The following CDC27 variants were observed in gnomAD, a reference collection of about 807,000 sequenced individuals.
CDC27 encodes cell division cycle protein 27 homolog.
A neutral mutation model predicts 109.7 loss-of-function variants in CDC27; 27 were observed. The observed-to-expected ratio is 0.25, with a 90% CI of 0.18 to 0.34. CDC27 has a LOEUF of 0.34. Ranked by LOEUF, CDC27 falls within the 10% of genes least tolerant of loss-of-function variation. The probability of loss-of-function intolerance (pLI) is 1.00; values close to 1 mark genes in which losing one functional copy is unlikely to be tolerated. For synonymous variants in CDC27, 266 were observed against 333.9 expected (o/e 0.80, Z 2.22); for missense variants, 579 against 960.2 (o/e 0.60, Z 5.25).
intron 18 of CDC27, among the ~76,000 whole-genome samples, chr17:47,122,232 C>A (rs1479167058): frequency 1.3e-5 from 2 of 151,414 alleles, no homozygotes; most frequent in Non-Finnish European, 2.9e-5. Context: ...ATGAATTTGT[C>A]AAAGTCACAC....
chr17:47,129,511 G>A lies in CDC27; in HGVS notation c.2042C>T (p.Ala681Val). ...CAAAGCCTTCTCTGATTTTTTCAGT[G>A]CATGTTGAACCTGTAAGAAATAAAG... Reference protein sequence around the residue: ...LLCHIGVVQHALKKSEKALDT... With the variant: ...LLCHIGVVQHVLKKSEKALDT... Residue 681 changes from alanine to valine, a missense_variant, in exon 16 of 19, where the codon GCA (alanine) becomes GTA (valine). By Grantham distance (64) the Ala-to-Val change is moderately conservative. Coordinates refer to ENST00000066544, the MANE Select transcript of CDC27 (RefSeq NM_001256.6). The A allele has an allele frequency of 6.2e-7, 1 of 1,602,220 alleles. No homozygotes were observed. The highest frequency in any genetic ancestry group is 8.5e-7 in the Non-Finnish European group (1 of 1,173,190).
intron 1 of CDC27, 57 bp downstream of exon 1, chr17:47,189,089 C>T: frequency 6.3e-7 from 1 of 1,589,318 alleles, no homozygotes; most frequent in South Asian, 1.1e-5. Flanking sequence ...TGGCCCTACG[C>T]TGCTGCTTCC....
rs1295140968 is a variant in CDC27, at chr17:47,156,987, T to G, written c.768A>C (p.Lys256Asn). 1 of 1,579,548 alleles carries G rather than the reference T, an allele frequency of 6.3e-7. No homozygotes were observed. The highest frequency in any genetic ancestry group is 2.2e-5 in the East Asian group (1 of 44,626). ...PLGTGTSILSKQVQNKPKTGR... is the reference protein window; with the variant it reads ...PLGTGTSILSNQVQNKPKTGR... ...CAGTTTTTGGTTTATTTTGAACCTG[T>G]TTAGATAATATGGAAGTTCCTGTTC... The change falls in exon 7 of 19, where the codon AAA (lysine) becomes AAC (asparagine). Residue 256 changes from lysine (K) to asparagine (N), a missense_variant. This residue lies in a region of CDC27 where 74 missense variants were observed against 148.9 expected (regional missense o/e 0.50). Transcript: ENST00000066544.
intron 8 of CDC27, 146 bp from the exon 9 acceptor site, chr17:47,152,064 T>C (rs1446481354): frequency 2.1e-5 from 11 of 513,104 alleles, no homozygotes; most frequent in African/African-American, 2.0e-4. Flanking sequence ...TATATCATAT[T>C]GTTAATTATT....
At chr17:47,187,001 T>C (rs1443641201) in intron 1 of CDC27, among the ~76,000 whole-genome samples, 1 of 152,178 alleles carries the variant, frequency 6.6e-6, no homozygotes, top group Non-Finnish European at 1.5e-5. Flanking sequence ...CCCTGATCAT[T>C]GATCTTTATC....
At chr17:47,127,275 C>T (rs1201412306) in intron 16 of CDC27, among the ~76,000 whole-genome samples, 1 of 152,064 alleles carries the variant, frequency 6.6e-6, no homozygotes, top group Non-Finnish European at 1.5e-5. Context: ...TAAAGAAAGA[C>T]AAGCTTTTTA....
intron 16 of CDC27, among the ~76,000 whole-genome samples, chr17:47,126,758 G>A (rs1479546089): frequency 6.6e-6 from 1 of 152,170 alleles, no homozygotes; most frequent in Non-Finnish European, 1.5e-5. Context: ...GTAGTTAAAA[G>A]TTGAAACGGG....
At chr17:47,121,486 G>A (rs1423236737) in intron 18 of CDC27, among the ~76,000 whole-genome samples, 1 of 152,150 alleles carries the variant, frequency 6.6e-6, no homozygotes, top group Non-Finnish European at 1.5e-5. Context: ...CACCTAGGCT[G>A]GAGTGCAGTG....
Position 47,154,683 on chromosome 17 carries a change from G to T in CDC27, c.946C>A (p.Pro316Thr). Residue 316 changes from proline (P) to threonine (T), a missense_variant, in exon 8 of 19, where the codon CCT (proline) becomes ACT (threonine). Pro to Thr is a conservative substitution (Grantham distance 38). This residue lies in a region of CDC27 where 74 missense variants were observed against 148.9 expected (regional missense o/e 0.50). Transcript: ENST00000066544. ...PVIDVPSTGA[P>T]SKKSVARIGQ... ...TACATGGAAAATACCTTTTTTGAAG[G>T]GGCTCCGGTGGATGGCACATCAATT... is the stretch of plus-strand genomic sequence containing the variant. 1 of 1,561,720 alleles carries T rather than the reference G, an allele frequency of 6.4e-7. No homozygotes were observed. The highest frequency in any genetic ancestry group is 8.8e-7 in the Non-Finnish European group (1 of 1,139,654).
At position 47,128,894 on chromosome 17, in the gene CDC27, C is replaced by T. The variant is rs533857053; in HGVS notation, c.2160+499G>A. On this transcript the variant is annotated intron_variant, in intron 16 of 18. Transcript: ENST00000066544. ...CAAGTGATTCTCCTGCCTCAGCCTCCCCAGTAGCTGAGACTTACAGGCACC... is the reference window on the plus strand; with the variant it reads ...CAAGTGATTCTCCTGCCTCAGCCTCTCCAGTAGCTGAGACTTACAGGCACC... Among the ~76,000 whole-genome samples the T allele has an allele frequency of 2.0e-5, 3 of 152,104 alleles. No individual in the cohort carries two copies. The South Asian group carries it at 6.2e-4, about 32-fold the overall frequency.
chr17:47,125,391 C>T (rs2062107626), intron 16 of CDC27, among the ~76,000 whole-genome samples: 1 of 151,402 alleles, frequency 6.6e-6, no homozygotes, highest in Non-Finnish European at 1.5e-5. Flanking sequence ...GAATTACAGG[C>T]GTGTGCCACC....
intron 16 of CDC27, among the ~76,000 whole-genome samples, chr17:47,124,323 G>A (rs1030894187): frequency 4.0e-5 from 6 of 151,180 alleles, no homozygotes; most frequent in South Asian, 2.1e-4. Flanking sequence ...TCGCTCTGTC[G>A]CCCAGGCTGG....
At chr17:47,124,210 C>CACACACAA (rs1555780231) in intron 16 of CDC27, among the ~76,000 whole-genome samples, 8 of 149,326 alleles carry the variant, frequency 5.4e-5, no homozygotes, top group Non-Finnish European at 7.4e-5. Flanking sequence ...CACACACACA[C>CACACACAA]CCCTCTTCGT....
rs59790354 is a variant in CDC27, at chr17:47,124,178, A to AACACACACACACACAC, written c.2161-234_2161-219dup. 7.1e-3 allele frequency among the ~76,000 whole-genome samples: 1,025 copies of AACACACACACACACAC among 144,476 alleles called. 7 individuals are homozygous for AACACACACACACACAC. The highest frequency in any genetic ancestry group is 0.012 in the African/African-American group (447 of 38,718). 94.8% of individuals were successfully genotyped at this position (144,476 alleles called of 152,430 possible). On this transcript the variant is annotated intron_variant, in intron 16 of 18. Coordinates refer to ENST00000066544, the MANE Select transcript of CDC27 (RefSeq NM_001256.6). ...ATGGCAGGCACTCTAGTACACTGAA[A>AACACACACACACACAC]ACACACACACACACACACACACACA... is the stretch of plus-strand genomic sequence containing the variant.
chr17:47,128,060 T>C (rs1023611956), intron 16 of CDC27, among the ~76,000 whole-genome samples: 19 of 151,860 alleles, frequency 1.3e-4, no homozygotes, highest in African/African-American at 3.9e-4. Context: ...TGAGACAGAG[T>C]GTTGCTGTTG....
intron 4 of CDC27, among the ~76,000 whole-genome samples, chr17:47,165,060 T>G (rs1463797607): frequency 6.6e-6 from 1 of 152,206 alleles, no homozygotes; most frequent in African/African-American, 2.4e-5. Flanking sequence ...CAGATTAATG[T>G]TATATAAATG....
At chr17:47,143,160 T>C (rs1199739475) in intron 10 of CDC27, among the ~76,000 whole-genome samples, 2 of 150,374 alleles carry the variant, frequency 1.3e-5, no homozygotes, top group African/African-American at 4.9e-5. Context: ...GATGGGGTCT[T>C]GCTATGTTGA....
chr17:47,143,632 C>T (rs947346888), intron 10 of CDC27, among the ~76,000 whole-genome samples: 3 of 151,842 alleles, frequency 2.0e-5, no homozygotes, highest in Non-Finnish European at 4.4e-5. Context: ...TATAATTTTG[C>T]CATTTCAAGA....
intron 1 of CDC27, chr17:47,188,874 G>A: frequency 1.5e-6 from 2 of 1,376,676 alleles, no homozygotes; most frequent in Non-Finnish European, 1.9e-6. Context: ...TGGACTGACA[G>A]GAAAGGCTGG....
Sources: gnomAD v4.1 joint callset for allele counts (sites outside exome capture counted in the v4.1 genomes callset) on GRCh38, gnomAD v4.1.1 for gene constraint, gnomAD v4.1.1 regional missense constraint, MANE v1.5 for transcripts, NCBI Gene and HGNC (gene_info 2026-07-23, HGNC 2026-07-21) for gene names.